The following CRYBG1 variants were observed in gnomAD, a reference collection of about 807,000 sequenced individuals.
The protein encoded by CRYBG1 is crystallin beta-gamma domain containing 1.
A neutral mutation model predicts 189.2 loss-of-function variants in CRYBG1; 139 were observed. That is an observed-to-expected ratio of 0.73 (90% confidence interval 0.64 to 0.85). The LOEUF (loss-of-function observed/expected upper bound fraction) is 0.85, where lower values mean the gene tolerates loss of function less well. Ranked by LOEUF, CRYBG1 falls within the 40% of genes least tolerant of loss-of-function variation. The pLI, the probability that CRYBG1 is intolerant of heterozygous loss-of-function variation, is 0.00. For missense variants in CRYBG1, 2,611 were observed against 2,675.8 expected (o/e 0.98, Z 0.53); for synonymous variants, 1,023 against 1,017.1 (o/e 1.01, Z -0.11).
At chr6:106,375,475 G>C (rs1314433379) in intron 1 of CRYBG1, among the ~76,000 whole-genome samples, 2 of 152,136 alleles carry the variant, frequency 1.3e-5, no homozygotes, top group Non-Finnish European at 1.5e-5. Flanking sequence ...GGGTTAGGGT[G>C]GAGGTGGGAG....
chr6:106,562,123 A>G (rs1249990822), intron 20 of CRYBG1, among the ~76,000 whole-genome samples: 1 of 151,388 alleles, frequency 6.6e-6, no homozygotes, highest in Non-Finnish European at 1.5e-5. Context: ...AAAACAAAAC[A>G]AAACAAAACA....
At chr6:106,516,755 G>C (rs1773432477) in intron 3 of CRYBG1, among the ~76,000 whole-genome samples, 1 of 152,226 alleles carries the variant, frequency 6.6e-6, no homozygotes, top group South Asian at 2.1e-4. Context: ...GAATAGTATA[G>C]TGGTTGGGAG....
intron 8 of CRYBG1, 124 bp downstream of exon 8, chr6:106,530,439 G>A (rs2306099): frequency 0.25 from 220,122 of 897,042 alleles, 28,750 homozygotes; most frequent in South Asian, 0.35. Flanking sequence ...TAACTGTAAG[G>A]TATATTTTTA....
Position 106,571,766 on chromosome 6 carries a change from A to G in CRYBG1, c.*3200A>G. 2.1e-6 allele frequency: 1 copy of G among 467,998 alleles called. No homozygotes were observed. The highest frequency in any genetic ancestry group is 3.8e-6 in the Non-Finnish European group (1 of 261,478). The allele number at this position is 467,998 out of a possible 1,614,324, so 29.0% of individuals were successfully genotyped here. On this transcript the variant is annotated 3_prime_UTR_variant, in exon 22 of 22. Transcript: ENST00000633556. The stretch of plus-strand genomic sequence containing the variant: ...CACAACAACCTGCAAAGCCAGTGTG[A>G]AGGAACAGCTTGAAAAAACTTCGAA...
rs113248323 is a variant in CRYBG1 at position 106,558,701 on chromosome 6, G to A, written c.5855+76G>A. 6,184 of 1,252,528 alleles carry A rather than the reference G, an allele frequency of 4.9e-3. 229 individuals are homozygous for A. The African/African-American group carries it at 0.08, about 16-fold the overall frequency. 77.6% of individuals were successfully genotyped at this position (1,252,528 alleles called of 1,614,324 possible). A position where few individuals can be genotyped will look rare whatever the true frequency, so the allele number is the denominator to read the frequency against. ...GTTTGGGCTGGGCACAGTGGCTCAC[G>A]CCTGTATTCCCAACACTTTAGGAGG... On this transcript the variant is annotated intron_variant, in intron 18 of 21. Coordinates refer to ENST00000633556, the MANE Select transcript of CRYBG1 (RefSeq NM_001371242.2).
Position 106,398,583 on chromosome 6 carries a change from C to T in CRYBG1, c.173+37502C>T, listed in dbSNP as rs116971957. Among the ~76,000 whole-genome samples, 331 of 152,126 alleles carry T rather than the reference C, an allele frequency of 2.2e-3. 6 individuals are homozygous for T. In the East Asian group the frequency reaches 0.048, roughly 22 times the overall value. On this transcript the variant is annotated intron_variant, in intron 1 of 21. Coordinates refer to ENST00000633556, the MANE Select transcript of CRYBG1 (RefSeq NM_001371242.2). ...GTACATTCTTTTGAACTAGAAGGTC[C>T]CCCAAGTATTCAAACACTTCTGTTA...
intron 2 of CRYBG1, among the ~76,000 whole-genome samples, chr6:106,494,749 T>C (rs181729296): frequency 3.2e-4 from 48 of 152,326 alleles, no homozygotes; most frequent in Non-Finnish European, 4.0e-4. Context: ...TGAGCATAAT[T>C]TTTGCCTTTT....
Position 106,430,703 on chromosome 6 carries a change from G to C in CRYBG1, c.174-20991G>C, listed in dbSNP as rs530203149. On this transcript the variant is annotated intron_variant, in intron 1 of 21. Transcript: ENST00000633556. ...GTTCTTGTTGTCTGTTGGGTTCAAAGTTTCTTCCCATATTATCTCGTGGCC... is the reference window on the plus strand; with the variant it reads ...GTTCTTGTTGTCTGTTGGGTTCAAACTTTCTTCCCATATTATCTCGTGGCC... Among the ~76,000 whole-genome samples, 358 of 152,000 alleles carry C rather than the reference G, an allele frequency of 2.4e-3. 1 individual carries two copies. The highest frequency in any genetic ancestry group is 3.9e-3 in the Non-Finnish European group (266 of 67,980).
intron 1 of CRYBG1, among the ~76,000 whole-genome samples, chr6:106,363,243 CAAAAAAAAAAA>C (rs57040798): frequency 9.0e-6 from 1 of 111,140 alleles, no homozygotes; most frequent in Non-Finnish European, 1.8e-5. Flanking sequence ...AACTCCGTCT[CAAAAAAAAAAA>C]AAAAAAAAAA....
At chr6:106,432,320 T>C (rs1212570171) in intron 1 of CRYBG1, among the ~76,000 whole-genome samples, 2 of 152,198 alleles carry the variant, frequency 1.3e-5, no homozygotes, top group Non-Finnish European at 2.9e-5. Context: ...CAACTTTGTT[T>C]GAAACAGTTT....
intron 1 of CRYBG1, among the ~76,000 whole-genome samples, chr6:106,419,940 AC>A (rs1771093278): frequency 6.6e-6 from 1 of 152,332 alleles, no homozygotes; most frequent in African/African-American, 2.4e-5. Flanking sequence ...CTATAAAGTC[AC>A]TGATCTAATC....
Position 106,512,034 on chromosome 6 carries a change from C to T in CRYBG1, c.917C>T (p.Ala306Val), listed in dbSNP as rs998079994. The T allele has an allele frequency of 3.6e-5, 55 of 1,529,962 alleles. No homozygotes were observed. In the East Asian group the frequency reaches 1.2e-3, roughly 33 times the overall value. The allele number at this position is 1,529,962 out of a possible 1,614,324, so 94.8% of individuals were successfully genotyped here. Residue 306 changes from alanine (A) to valine (V), a missense_variant, in exon 3 of 22, where the codon GCG (alanine) becomes GTG (valine). Ala to Val is a moderately conservative substitution (Grantham distance 64). This residue lies in a region of CRYBG1 where 985 missense variants were observed against 924.4 expected (regional missense o/e 1.07). Coordinates refer to ENST00000633556, the MANE Select transcript of CRYBG1 (RefSeq NM_001371242.2). ...GGGTCGCCCACCCAGGAGCGGCCCGCGGGAGGACTAGGCGAGGCCCCTAAC... is the reference window on the plus strand; with the variant it reads ...GGGTCGCCCACCCAGGAGCGGCCCGTGGGAGGACTAGGCGAGGCCCCTAAC... The part of the protein sequence containing the change: ...APGSPTQERP[A>V]GGLGEAPNGA...
chr6:106,380,605 A>G (rs552247378), intron 1 of CRYBG1, among the ~76,000 whole-genome samples: 7 of 152,298 alleles, frequency 4.6e-5, no homozygotes, highest in Non-Finnish European at 8.8e-5. Context: ...AAAGAACTAA[A>G]CCAGAAATCC....
chr6:106,519,689 A>G lies in CRYBG1; in HGVS notation c.2481A>G (p.Val827=), dbSNP rs184610787. 5.6e-6 allele frequency: 9 copies of G among 1,614,080 alleles called. No homozygotes were observed. The East Asian group carries it at 1.1e-4, about 20-fold the overall frequency. ...DSEAADSKSL[V]LENVTDTAQD... ...AGGCTGCAGACAGCAAAAGCCTTGTACTTGAAAATGTAACCGATACAGCAC... is the reference window on the plus strand; with the variant it reads ...AGGCTGCAGACAGCAAAAGCCTTGTGCTTGAAAATGTAACCGATACAGCAC... The change falls in exon 4 of 22, where the codon GTA becomes GTG. Residue 827 remains valine (V), a synonymous_variant. Transcript: ENST00000633556.
intron 1 of CRYBG1, among the ~76,000 whole-genome samples, chr6:106,405,410 T>A (rs1235073812): frequency 6.6e-6 from 1 of 152,098 alleles, no homozygotes; most frequent in Admixed American, 6.5e-5. Context: ...AAAACTCCCA[T>A]CTCCCTGGGA....
chr6:106,512,986 G>A lies in CRYBG1; in HGVS notation c.1869G>A (p.Lys623=), dbSNP rs1415979180. ...GAGCTTCTGACGCCGACGGCTTGAA[G>A]CCCAGGAACCATTTCGGCGTGGGCA... The part of the protein sequence containing the change: ...APGASDADGL[K]PRNHFGVGRS... The change falls in exon 3 of 22, where the codon AAG becomes AAA. Residue 623 remains lysine, a synonymous_variant. Coordinates refer to ENST00000633556, the MANE Select transcript of CRYBG1 (RefSeq NM_001371242.2). The A allele has an allele frequency of 1.9e-6, 3 of 1,610,626 alleles. No individual in the cohort carries two copies. The Admixed American group carries it at 5.0e-5, about 27-fold the overall frequency.
chr6:106,452,259 A>AAC (rs1554236859), intron 2 of CRYBG1, among the ~76,000 whole-genome samples: 7 of 148,656 alleles, frequency 4.7e-5, no homozygotes, highest in African/African-American at 1.7e-4. Flanking sequence ...AAAAAAAAAA[A>AAC]AAAAAACAAA....
chr6:106,487,488 T>A (rs889909400), intron 2 of CRYBG1, among the ~76,000 whole-genome samples: 6 of 152,196 alleles, frequency 3.9e-5, no homozygotes, highest in Admixed American at 3.9e-4. Flanking sequence ...GTTCTCTCAG[T>A]TTTTGCTTGT....
intron 21 of CRYBG1, among the ~76,000 whole-genome samples, chr6:106,565,169 A>G (rs985470011): frequency 5.9e-5 from 9 of 151,966 alleles, no homozygotes; most frequent in African/African-American, 1.9e-4. Context: ...AAATACAAAA[A>G]AATTAGCTGG....
Sources: allele counts gnomAD v4.1 joint callset (sites outside exome capture counted in the v4.1 genomes callset), GRCh38; gene constraint gnomAD v4.1.1; regional missense constraint gnomAD v4.1.1; transcripts MANE v1.5; gene names NCBI Gene and HGNC (gene_info 2026-07-23, HGNC 2026-07-21).